Variants in PZP observed in about 807,000 individuals in gnomAD.
PZP encodes pregnancy zone protein.
PZP carries 150 observed loss-of-function variants against 179.8 expected under a neutral mutation model. That is an observed-to-expected ratio of 0.83 (90% confidence interval 0.73 to 0.96). The LOEUF (loss-of-function observed/expected upper bound fraction) is 0.96. Ranked by LOEUF, PZP falls within the 40% of genes least tolerant of loss-of-function variation. PZP has a pLI of 0.00. For synonymous variants in PZP, 624 were observed against 652.3 expected (o/e 0.96, Z 0.66); for missense variants, 1,689 against 1,764.0 (o/e 0.96, Z 0.76).
At chr12:9,198,518 C>T (rs373923625) in intron 7 of PZP, among the ~76,000 whole-genome samples, 9 of 152,106 alleles carry the variant, frequency 5.9e-5, no homozygotes, top group East Asian at 3.9e-4. Flanking sequence ...CACAGACACA[C>T]GCACACGTGC....
chr12:9,176,226 A>G (rs1942353638), intron 15 of PZP, among the ~76,000 whole-genome samples: 1 of 152,176 alleles, frequency 6.6e-6, no homozygotes, highest in Middle Eastern at 3.2e-3. Context: ...TAAACACTAC[A>G]TGTTCTCACT....
intron 22 of PZP, among the ~76,000 whole-genome samples, chr12:9,162,038 T>C (rs1464629005): frequency 1.3e-5 from 2 of 152,144 alleles, no homozygotes; most frequent in African/African-American, 4.8e-5. Context: ...TTCGGCTCAC[T>C]GCAACCTCCC....
intron 5 of PZP, 100 bp from the exon 6 acceptor site, chr12:9,201,160 A>G (rs1944132917): frequency 1.4e-6 from 2 of 1,463,258 alleles, no homozygotes; most frequent in Non-Finnish European, 1.9e-6. Flanking sequence ...TGCCTCTGGA[A>G]AGACAAATAC....
At position 9,166,072 on chromosome 12, in the gene PZP, G is replaced by T. The variant is rs1941564036; in HGVS notation, c.2238C>A (p.Ile746=). ...CTTACTTCACTGCCACCAACTCCCA[G>T]ATCCAAGTCTCAGGAAAATAGCTTC... The part of the protein sequence containing the change: ...TVRSYFPETW[I]WELVAVNSSG... The change falls in exon 18 of 36, where the codon ATC becomes ATA. Residue 746 remains isoleucine (I), a synonymous_variant. Transcript: ENST00000261336. 8 of 1,609,260 alleles carry T rather than the reference G, an allele frequency of 5.0e-6. No homozygotes were observed. The highest frequency in any genetic ancestry group is 6.8e-6 in the Non-Finnish European group (8 of 1,178,958).
intron 7 of PZP, among the ~76,000 whole-genome samples, chr12:9,197,465 T>A (rs1462124061): frequency 3.8e-5 from 5 of 130,816 alleles, no homozygotes; most frequent in Non-Finnish European, 7.7e-5. Flanking sequence ...TATATAATAA[T>A]ATAATATATA....
At chr12:9,150,317 C>T (rs1389314281) in intron 34 of PZP, among the ~76,000 whole-genome samples, 1 of 152,108 alleles carries the variant, frequency 6.6e-6, no homozygotes, top group African/African-American at 2.4e-5. Flanking sequence ...GAGTCTCGCA[C>T]CGTCACCTGG....
intron 18 of PZP, 134 bp from the exon 19 acceptor site, chr12:9,165,501 A>C: frequency 3.1e-6 from 3 of 966,748 alleles, no homozygotes; most frequent in Non-Finnish European, 4.6e-6. Flanking sequence ...CATTCGTGTG[A>C]ACACTAGATT....
rs1172293870 is a variant in PZP, at chr12:9,192,611, A to C, written c.1383T>G (p.Ala461=). The C allele has an allele frequency of 6.2e-7, 1 of 1,614,190 alleles. No homozygotes were observed. The highest frequency in any genetic ancestry group is 1.1e-5 in the South Asian group (1 of 91,084). ...SGSYIHLEPV[A]GTLPCGHTET... is the part of the protein sequence containing the mutation. ...CCGTGTGGCCACAGGGCAGGGTACC[A>C]GCCACAGGCTCCAGGTGAATGTAAC... The change falls in exon 12 of 36, where the codon GCT becomes GCG. Residue 461 remains alanine (A), a synonymous_variant. Transcript: ENST00000261336.
chr12:9,148,771 AC>A, downstream of PZP: 1 of 514,342 alleles, frequency 1.9e-6, no homozygotes, highest in Non-Finnish European at 3.4e-6. Flanking sequence ...CCAAAATTAA[AC>A]AGAAAGAATA....
chr12:9,170,067 T>A lies in PZP; in HGVS notation c.1840-476A>T, dbSNP rs1184572172. 1 of 152,256 alleles carries A rather than the reference T, an allele frequency of 6.6e-6. No homozygotes were observed. Among genetic ancestry groups the A allele is most frequent in the East Asian group, 1.9e-4 (1 of 5,196 alleles). The allele number at this position is 152,256 out of a possible 1,614,324, so 9.4% of individuals were successfully genotyped here. A position where few individuals can be genotyped will look rare whatever the true frequency, so the allele number is the denominator to read the frequency against. ...CACTTACGGAGTGGAATGAAAAAGCTTATTAAATGCAGCACCTTCAACTGA... is the reference window on the plus strand; with the variant it reads ...CACTTACGGAGTGGAATGAAAAAGCATATTAAATGCAGCACCTTCAACTGA... On this transcript the variant is annotated intron_variant, in intron 15 of 35. Coordinates refer to ENST00000261336, the MANE Select transcript of PZP (RefSeq NM_002864.3). This position sits in a 1 kb window ranked among gnomAD's most constrained non-coding sequence, Gnocchi z 4.6.
intron 7 of PZP, 85 bp downstream of exon 7, chr12:9,200,278 CA>C: frequency 1.2e-6 from 1 of 869,498 alleles, no homozygotes. Context: ...AGTGCTGAGG[CA>C]AAGTAAATTT....
intron 5 of PZP, 125 bp downstream of exon 5, chr12:9,201,202 A>C: frequency 7.5e-7 from 1 of 1,341,618 alleles, no homozygotes; most frequent in Non-Finnish European, 1.0e-6. Context: ...CAACCTGACA[A>C]CTGGGAGTAG....
At chr12:9,162,573 A>G in intron 22 of PZP, 24 bp downstream of exon 22, 8 of 1,531,066 alleles carry the variant, frequency 5.2e-6, no homozygotes, top group Admixed American at 1.7e-5. Context: ...TGATCTCACT[A>G]TGATTATGAA....
At chr12:9,200,764 G>A (rs957886611) in intron 6 of PZP, 128 bp downstream of exon 6, 1 of 982,022 alleles carries the variant, frequency 1.0e-6, no homozygotes, top group Admixed American at 2.4e-5. Flanking sequence ...CCGTCCTAAT[G>A]GTCTTAGAAG....
downstream of PZP, among the ~76,000 whole-genome samples, chr12:9,146,137 T>C (rs1352854493): frequency 6.6e-6 from 1 of 152,106 alleles, no homozygotes; most frequent in African/African-American, 2.4e-5. Context: ...TCTATTCTCC[T>C]TTTCTGACTC....
At position 9,196,623 on chromosome 12, in the gene PZP, C is replaced by G. The variant is rs778502150; in HGVS notation, c.930G>C (p.Thr310=). ...VHTKMLQITN[T]GFEMKLRVEA... is the part of the protein sequence containing the mutation. Reference sequence around the variant, plus strand: ...CCACTCTAAGCTTCATTTCAAAGCCCGTATTTGTAATCTGGAGCATTTTGG... The same window carrying G: ...CCACTCTAAGCTTCATTTCAAAGCCGGTATTTGTAATCTGGAGCATTTTGG... The change falls in exon 9 of 36, where the codon ACG becomes ACC. Residue 310 remains threonine (T), a synonymous_variant. Coordinates refer to ENST00000261336, the MANE Select transcript of PZP (RefSeq NM_002864.3). 2 of 1,613,732 alleles carry G rather than the reference C, an allele frequency of 1.2e-6. No homozygotes were observed. Among genetic ancestry groups the G allele is most frequent in the Admixed American group, 3.3e-5 (2 of 60,004 alleles).
At chr12:9,157,907 T>C in intron 26 of PZP, 66 bp from the exon 27 acceptor site, 1 of 1,305,074 alleles carries the variant, frequency 7.7e-7, no homozygotes, top group Non-Finnish European at 1.1e-6. Context: ...TTCTGTTGTT[T>C]GATGGAAACG....
intron 15 of PZP, among the ~76,000 whole-genome samples, chr12:9,174,656 A>G (rs1301524993): frequency 6.6e-6 from 1 of 152,226 alleles, no homozygotes; most frequent in African/African-American, 2.4e-5. Flanking sequence ...AGGCATTTCT[A>G]TACACCAACA....
chr12:9,150,847 G>T, intron 33 of PZP, 101 bp from the exon 34 acceptor site: 1 of 736,268 alleles, frequency 1.4e-6, no homozygotes, highest in Non-Finnish European at 2.3e-6. Context: ...TTTCACCAGT[G>T]TCTTTAGGTG....
Sources: gnomAD v4.1 joint callset for allele counts (sites outside exome capture counted in the v4.1 genomes callset) on GRCh38, gnomAD v4.1.1 for gene constraint, Gnocchi (gnomAD v3.1) non-coding constraint, MANE v1.5 for transcripts, NCBI Gene and HGNC (gene_info 2026-07-23, HGNC 2026-07-21) for gene names.